The following ORAI2 variants were observed in gnomAD, a reference collection of about 807,000 sequenced individuals.
ORAI2 encodes the protein protein orai-2.
In ORAI2, 10 loss-of-function variants were observed where a neutral mutation model predicts 16.2. The ratio of observed to expected loss-of-function variants is 0.62; its 90% CI spans 0.38 to 1.04. The LOEUF is 1.04. Among genes scored for constraint, ORAI2 ranks in the 50% least tolerant of loss-of-function variants. The pLI is 0.01. For synonymous variants in ORAI2, 150 were observed against 157.5 expected (o/e 0.95, Z 0.35); for missense variants, 238 against 355.5 (o/e 0.67, Z 2.66).
intron 2 of ORAI2, 98 bp from the exon 3 acceptor site, chr7:102,438,846 G>C: frequency 8.9e-7 from 1 of 1,129,598 alleles, no homozygotes; most frequent in Non-Finnish European, 1.3e-6. Flanking sequence ...GGCGTGGGCT[G>C]TATATGGCAG....
intron 1 of ORAI2, among the ~76,000 whole-genome samples, chr7:102,434,406 C>G (rs1797009812): frequency 6.6e-6 from 1 of 152,192 alleles, no homozygotes; most frequent in Non-Finnish European, 1.5e-5. Flanking sequence ...AGACAGACAT[C>G]GTTTCCTCCA....
intron 3 of ORAI2, among the ~76,000 whole-genome samples, 176 bp downstream of exon 3, chr7:102,439,357 T>C (rs556558433): frequency 2.0e-5 from 3 of 152,050 alleles, no homozygotes; most frequent in African/African-American, 7.2e-5. Flanking sequence ...TCAGTGCGAG[T>C]GGGGGCGCTG....
chr7:102,445,126 A>G (rs1178025024), intron 3 of ORAI2, among the ~76,000 whole-genome samples: 1 of 152,166 alleles, frequency 6.6e-6, no homozygotes, highest in Non-Finnish European at 1.5e-5. Context: ...CCTCGGCCTC[A>G]CTTCCGTCAC....
At chr7:102,440,117 A>C (rs1185645375) in intron 3 of ORAI2, among the ~76,000 whole-genome samples, 1 of 152,170 alleles carries the variant, frequency 6.6e-6, no homozygotes, top group Non-Finnish European at 1.5e-5. Context: ...GATAAAATCA[A>C]ATCAAATCGC....
In ORAI2 at chr7:102,452,104, C is replaced by G. The variant is rs1797536798; in HGVS notation, c.*5052C>G. 1 of 151,650 alleles carries G rather than the reference C, an allele frequency of 6.6e-6. No homozygotes were observed. Among genetic ancestry groups the G allele is most frequent in the South Asian group, 2.1e-4 (1 of 4,816 alleles). 9.4% of individuals were successfully genotyped at this position (151,650 alleles called of 1,614,324 possible). A position where few individuals can be genotyped will look rare whatever the true frequency, so the allele number is the denominator to read the frequency against. On this transcript the variant is annotated 3_prime_UTR_variant, in exon 4 of 4. Transcript: ENST00000495936. ...GGAACAGGTGGGTCCCTCCTGCGGG[C>G]TGGTGGCACTGCTAAGGAAGCACCA...
rs759817341 is a variant in ORAI2 at position 102,439,087 on chromosome 7, C to T, written c.131C>T (p.Ser44Leu). The T allele has an allele frequency of 8.7e-6, 14 of 1,613,968 alleles. No individual in the cohort carries two copies. The highest frequency in any genetic ancestry group is 2.7e-5 in the African/African-American group (2 of 74,948). ...GAACTGGTCACCTCTAACCACCACT[C>T]GGTACAGGCCCTGTCGTGGCGGAAG... is the stretch of plus-strand genomic sequence containing the variant. ...YLELVTSNHHSVQALSWRKLY... is the reference protein window; with the variant it reads ...YLELVTSNHHLVQALSWRKLY... Residue 44 changes from serine (S) to leucine (L), a missense_variant, in exon 3 of 4, where the codon TCG becomes TTG. Around this residue, in one of 3 missense-constraint regions of ORAI2, gnomAD observed 61 missense variants for 72.7 expected, o/e 0.84. Coordinates refer to ENST00000495936, the MANE Select transcript of ORAI2 (RefSeq NM_001126340.3).
rs149749759 is a variant in ORAI2 at position 102,439,005 on chromosome 7, C to T, written c.49C>T (p.Pro17Ser). ...TATCGACCCCTCTGCTCCTGCCTGC[C>T]CTGAGCCCGGCCATAAGGGCATGGA... is the stretch of plus-strand genomic sequence containing the variant. Reference protein sequence around the residue: ...VPIDPSAPACPEPGHKGMDYR... With the variant: ...VPIDPSAPACSEPGHKGMDYR... The change falls in exon 3 of 4, where the codon CCT becomes TCT. Residue 17 changes from proline to serine, a missense_variant. This residue lies in a region of ORAI2 where 61 missense variants were observed against 72.7 expected (regional missense o/e 0.84). Coordinates refer to ENST00000495936, the MANE Select transcript of ORAI2 (RefSeq NM_001126340.3). The T allele has an allele frequency of 8.7e-5, 141 of 1,614,016 alleles. No individual in the cohort carries two copies. In the African/African-American group the frequency reaches 1.7e-3, roughly 20 times the overall value.
At chr7:102,439,877 C>T (rs1252485958) in intron 3 of ORAI2, among the ~76,000 whole-genome samples, 3 of 151,560 alleles carry the variant, frequency 2.0e-5, no homozygotes, top group Admixed American at 6.6e-5. Context: ...ATCAGGAGTT[C>T]GAGACCAGCC....
chr7:102,438,003 C>T (rs766198369), intron 2 of ORAI2, among the ~76,000 whole-genome samples: 6 of 152,066 alleles, frequency 3.9e-5, no homozygotes, highest in Non-Finnish European at 8.8e-5. Flanking sequence ...GAGCTGTGAT[C>T]GTACCACTGC....
In ORAI2 at chr7:102,435,160, A is replaced by G. The variant is rs190211038; in HGVS notation, c.-122-1065A>G. On this transcript the variant is annotated intron_variant, in intron 1 of 3. Coordinates refer to ENST00000495936, the MANE Select transcript of ORAI2 (RefSeq NM_001126340.3). ...GTGGCACACACATGTAGTCCCAGCT[A>G]CTCGGGTGGTTGAGGCGGGAGGATC... is the stretch of plus-strand genomic sequence containing the variant. Among the ~76,000 whole-genome samples the G allele has an allele frequency of 1.5e-3, 230 of 152,206 alleles. 2 individuals carry two copies. The highest frequency in any genetic ancestry group is 5.3e-3 in the African/African-American group (222 of 41,528).
In ORAI2 at chr7:102,446,887, C is replaced by T; in HGVS notation, c.600C>T (p.Ser200=). Residue 200 remains serine, a synonymous_variant, in exon 4 of 4, where the codon TCC becomes TCT. Coordinates refer to ENST00000495936, the MANE Select transcript of ORAI2 (RefSeq NM_001126340.3). Reference sequence around the variant, plus strand: ...CGGGCTGGCAGGCCGCCCTGGTGTCCACCATCATCATGGTGCCCGTGGGCC... The same window carrying T: ...CGGGCTGGCAGGCCGCCCTGGTGTCTACCATCATCATGGTGCCCGTGGGCC... ...SHTGWQAALV[S]TIIMVPVGLI... 1 of 1,613,512 alleles carries T rather than the reference C, an allele frequency of 6.2e-7. No individual in the cohort carries two copies. The highest frequency in any genetic ancestry group is 8.5e-7 in the Non-Finnish European group (1 of 1,179,976).
intron 1 of ORAI2, among the ~76,000 whole-genome samples, chr7:102,435,928 C>T (rs1184990147): frequency 6.6e-6 from 1 of 152,152 alleles, no homozygotes; most frequent in Non-Finnish European, 1.5e-5. Flanking sequence ...GCTCCTGACC[C>T]ACATCCCCTT....
At chr7:102,443,828 T>G (rs1797276595) in intron 3 of ORAI2, among the ~76,000 whole-genome samples, 1 of 152,130 alleles carries the variant, frequency 6.6e-6, no homozygotes, top group Admixed American at 6.6e-5. Flanking sequence ...TGCCTCAGCC[T>G]CCCGAGTAGT....
At position 102,454,322 on chromosome 7, in the gene ORAI2, G is replaced by A. The variant is rs1188611894; in HGVS notation, c.*7270G>A. 9 of 152,960 alleles carry A rather than the reference G, an allele frequency of 5.9e-5. No homozygotes were observed. The highest frequency in any genetic ancestry group is 7.3e-5 in the Non-Finnish European group (5 of 68,100). The allele number at this position is 152,960 out of a possible 1,614,324, so 9.5% of individuals were successfully genotyped here. On this transcript the variant is annotated 3_prime_UTR_variant, in exon 4 of 4. Transcript: ENST00000495936. ...GGTGGGAGAATCATCTGAGCCCAGG[G>A]AGGTTGAGACTGCAGTGAGCCAAGA... is the stretch of plus-strand genomic sequence containing the variant.
chr7:102,443,381 C>T (rs1031270297), intron 3 of ORAI2, among the ~76,000 whole-genome samples: 1 of 151,042 alleles, frequency 6.6e-6, no homozygotes, highest in Admixed American at 6.6e-5. Context: ...CGGGTTCACG[C>T]CATTCTCCTG....
In ORAI2 at chr7:102,450,558, G is replaced by C. The variant is rs890576963; in HGVS notation, c.*3506G>C. On this transcript the variant is annotated 3_prime_UTR_variant, in exon 4 of 4. Coordinates refer to ENST00000495936, the MANE Select transcript of ORAI2 (RefSeq NM_001126340.3). Reference sequence around the variant, plus strand: ...AAGTGCCCAGTGATGGTGGCACATGGGTGGGGACGGAGCCACATCCAAGTC... The same window carrying C: ...AAGTGCCCAGTGATGGTGGCACATGCGTGGGGACGGAGCCACATCCAAGTC... 1 of 152,310 alleles carries C rather than the reference G, an allele frequency of 6.6e-6. No homozygotes were observed. Among genetic ancestry groups the C allele is most frequent in the African/African-American group, 2.4e-5 (1 of 41,480 alleles). The allele number at this position is 152,310 out of a possible 1,614,324, so 9.4% of individuals were successfully genotyped here. A position where few individuals can be genotyped will look rare whatever the true frequency, so the allele number is the denominator to read the frequency against.
rs1208070892 is a variant in ORAI2, at chr7:102,455,189, GAAAGAAAGAAA to G, written c.*8147_*8157del. ...AGAGCAAGACCCTGCCCCGCCGCCT[GAAAGAAAGAAA>G]AAAGAAAGAGAAAGGAAGAGAAAGA... is the stretch of plus-strand genomic sequence containing the variant. On this transcript the variant is annotated 3_prime_UTR_variant, in exon 4 of 4. Coordinates refer to ENST00000495936, the MANE Select transcript of ORAI2 (RefSeq NM_001126340.3). 6.6e-6 allele frequency: 1 copy of G among 152,172 alleles called. No individual in the cohort carries two copies. Among genetic ancestry groups the G allele is most frequent in the Non-Finnish European group, 1.5e-5 (1 of 68,236 alleles). The allele number at this position is 152,172 out of a possible 1,614,324, so 9.4% of individuals were successfully genotyped here. A position where few individuals can be genotyped will look rare whatever the true frequency, so the allele number is the denominator to read the frequency against.
rs57480509 is a variant in ORAI2 at position 102,449,922 on chromosome 7, G to A, written c.*2870G>A. 10,218 of 151,590 alleles carry A rather than the reference G, an allele frequency of 0.067. 955 individuals carry two copies. Among genetic ancestry groups the A allele is most frequent in the East Asian group, 0.42 (2,135 of 5,098 alleles). The allele number at this position is 151,590 out of a possible 1,614,324, so 9.4% of individuals were successfully genotyped here. On this transcript the variant is annotated 3_prime_UTR_variant, in exon 4 of 4. Transcript: ENST00000495936. ...GTGGATCACTTGAGGTCAGGAGTTCGAGACCAGCCTGGCCAACATGGTGAA... is the reference window on the plus strand; with the variant it reads ...GTGGATCACTTGAGGTCAGGAGTTCAAGACCAGCCTGGCCAACATGGTGAA...
rs138854940 is a variant in ORAI2, at chr7:102,446,842, A to G, written c.555A>G (p.Pro185=). The G allele has an allele frequency of 6.2e-7, 1 of 1,613,554 alleles. No homozygotes were observed. Among genetic ancestry groups the G allele is most frequent in the African/African-American group, 1.3e-5 (1 of 74,900 alleles). The change falls in exon 4 of 4, where the codon CCA becomes CCG. Residue 185 remains proline, a synonymous_variant. Coordinates refer to ENST00000495936, the MANE Select transcript of ORAI2 (RefSeq NM_001126340.3). ...PVDARRQPGP[P]PGPGSHTGWQ... is the part of the protein sequence containing the mutation. ...ATGCCCGGCGCCAGCCTGGCCCCCC[A>G]CCTGGCCCTGGGAGTCACACGGGCT...
Sources: gnomAD v4.1 joint callset for allele counts (sites outside exome capture counted in the v4.1 genomes callset) on GRCh38, gnomAD v4.1.1 for gene constraint, gnomAD v4.1.1 regional missense constraint, MANE v1.5 for transcripts, NCBI Gene and HGNC (gene_info 2026-07-23, HGNC 2026-07-21) for gene names.